ZNF8: variants seen among roughly 807,000 people sequenced by gnomAD.
ZNF8 encodes zinc finger protein 272.
A neutral mutation model predicts 12.2 loss-of-function variants in ZNF8; 9 were observed. That is an observed-to-expected ratio of 0.73 (90% CI 0.44 to 1.28). The LOEUF (loss-of-function observed/expected upper bound fraction) is 1.28, where lower values mean the gene tolerates loss of function less well. Ranked by LOEUF, ZNF8 falls within the 50% of genes most tolerant of loss-of-function variation. The probability of loss-of-function intolerance (pLI) is 0.00; values close to 1 mark genes in which losing one functional copy is unlikely to be tolerated. For synonymous variants in ZNF8, 274 were observed against 282.3 expected (o/e 0.97, Z 0.30); for missense variants, 664 against 729.1 (o/e 0.91, Z 1.03).
At position 58,299,367 on chromosome 19, in the gene ZNF8, C is replaced by T. The variant is rs910745880; in HGVS notation, c.*3831C>T. On this transcript the variant is annotated 3_prime_UTR_variant, in exon 4 of 4. Coordinates refer to ENST00000621650, the MANE Select transcript of ZNF8 (RefSeq NM_021089.3). ...GACCTCGTGATCCACCTGCCTCGGCCTCCCAAAGTGCTGGGGTTACAGGAG... is the reference window on the plus strand; with the variant it reads ...GACCTCGTGATCCACCTGCCTCGGCTTCCCAAAGTGCTGGGGTTACAGGAG... The T allele has an allele frequency of 1.3e-5, 2 of 151,066 alleles. No individual in the cohort carries two copies. Among genetic ancestry groups the T allele is most frequent in the African/African-American group, 4.8e-5 (2 of 41,266 alleles). The allele number at this position is 151,066 out of a possible 1,614,324, so 9.4% of individuals were successfully genotyped here. A position where few individuals can be genotyped will look rare whatever the true frequency, so the allele number is the denominator to read the frequency against.
chr19:58,279,709 C>G, intron 1 of ZNF8: 1 of 1,526,234 alleles, frequency 6.6e-7, no homozygotes, highest in Non-Finnish European at 8.8e-7. Flanking sequence ...CCCTGCGAGA[C>G]TGTGGGAGAA....
rs778371446 is a variant in ZNF8, at chr19:58,294,205, T to C, written c.397T>C (p.Tyr133His). The C allele has an allele frequency of 4.3e-6, 7 of 1,614,154 alleles. No homozygotes were observed. Among genetic ancestry groups the C allele is most frequent in the Non-Finnish European group, 5.1e-6 (6 of 1,180,038 alleles). ...GGAAGGATTCCCGACAGATGCTCCTTATCCCACCACGTTAGGGAAAGACAG... is the reference window on the plus strand; with the variant it reads ...GGAAGGATTCCCGACAGATGCTCCTCATCCCACCACGTTAGGGAAAGACAG... ...GREGFPTDAP[Y>H]PTTLGKDREC... The change falls in exon 4 of 4, where the codon TAT becomes CAT. Residue 133 changes from tyrosine (Y) to histidine (H), a missense_variant. Around this residue, in one of 3 missense-constraint regions of ZNF8, gnomAD observed 306 missense variants for 308.7 expected, o/e 0.99. Coordinates refer to ENST00000621650, the MANE Select transcript of ZNF8 (RefSeq NM_021089.3). This position sits in a 1 kb window ranked among gnomAD's most constrained non-coding sequence, Gnocchi z 5.5.
At chr19:58,279,958 AAT>A in intron 1 of ZNF8, 1 of 950,464 alleles carries the variant, frequency 1.1e-6, no homozygotes, top group East Asian at 6.2e-5. Flanking sequence ...GAGACTTGAT[AAT>A]CTTAGGTTGC....
Position 58,302,012 on chromosome 19 carries a change from T to C in ZNF8, c.*6476T>C, listed in dbSNP as rs1000456361. 13 of 152,312 alleles carry C rather than the reference T, an allele frequency of 8.5e-5. No homozygotes were observed. Among genetic ancestry groups the C allele is most frequent in the South Asian group, 6.2e-4 (3 of 4,826 alleles). The allele number at this position is 152,312 out of a possible 1,614,324, so 9.4% of individuals were successfully genotyped here. A position where few individuals can be genotyped will look rare whatever the true frequency, so the allele number is the denominator to read the frequency against. Reference sequence around the variant, plus strand: ...GTCATTTATGGTGGAATGGTGATCATAAAAATTCATTAAAAATGAAGACTC... The same window carrying C: ...GTCATTTATGGTGGAATGGTGATCACAAAAATTCATTAAAAATGAAGACTC... On this transcript the variant is annotated 3_prime_UTR_variant, in exon 4 of 4. Transcript: ENST00000621650.
At chr19:58,290,221 C>T (rs2051410164) in intron 3 of ZNF8, among the ~76,000 whole-genome samples, 2 of 141,166 alleles carry the variant, frequency 1.4e-5, no homozygotes, top group Admixed American at 8.0e-5. Flanking sequence ...TCACGCCATT[C>T]TGCCTTAGCC....
In ZNF8 at chr19:58,286,133, G is replaced by A. The variant is rs2036596160; in HGVS notation, c.217G>A (p.Val73Ile). The A allele has an allele frequency of 2.5e-6, 4 of 1,614,126 alleles. No homozygotes were observed. The highest frequency in any genetic ancestry group is 1.1e-5 in the South Asian group (1 of 91,068). ...AGGTCCTGAGCTTCCGAAGCCTGAA[G>A]TCATCTCCCAGCTGGAGCAAGGGAC... is the stretch of plus-strand genomic sequence containing the variant. ...SIGPELPKPE[V>I]ISQLEQGTEL... is the part of the protein sequence containing the mutation. The change falls in exon 3 of 4, where the codon GTC (valine) becomes ATC (isoleucine). Residue 73 changes from valine to isoleucine, a missense_variant. Around this residue, in one of 3 missense-constraint regions of ZNF8, gnomAD observed 306 missense variants for 308.7 expected, o/e 0.99. Transcript: ENST00000621650.
At chr19:58,279,590 G>A in intron 1 of ZNF8, 1 of 1,533,054 alleles carries the variant, frequency 6.5e-7, no homozygotes, top group Non-Finnish European at 8.7e-7. Flanking sequence ...GACACCCACC[G>A]GGACCCCAGC....
intron 1 of ZNF8, among the ~76,000 whole-genome samples, chr19:58,281,097 A>G (rs2051348320): frequency 6.6e-6 from 1 of 152,204 alleles, no homozygotes; most frequent in Admixed American, 6.5e-5. Context: ...GCCATTATAT[A>G]TCTCAGTCTA....
At position 58,295,527 on chromosome 19, in the gene ZNF8, A is replaced by G. The variant is rs1217724920; in HGVS notation, c.1719A>G (p.Glu573=). 1 of 1,600,612 alleles carries G rather than the reference A, an allele frequency of 6.2e-7. No homozygotes were observed. The highest frequency in any genetic ancestry group is 1.3e-5 in the African/African-American group (1 of 74,216). Residue 573 remains glutamate, a synonymous_variant, in exon 4 of 4, where the codon GAA becomes GAG. Transcript: ENST00000621650. The part of the protein sequence containing the change: ...VGASMLFDIR[E]ST Reference sequence around the variant, plus strand: ...CTTCCATGTTATTTGACATCAGAGAATCCACATAGGAGAGAAACTTTGCTG... The same window carrying G: ...CTTCCATGTTATTTGACATCAGAGAGTCCACATAGGAGAGAAACTTTGCTG...
rs2051487132 is a variant in ZNF8 at position 58,300,753 on chromosome 19, C to T, written c.*5217C>T. On this transcript the variant is annotated 3_prime_UTR_variant, in exon 4 of 4. Coordinates refer to ENST00000621650, the MANE Select transcript of ZNF8 (RefSeq NM_021089.3). ...AGCTCTTGGGAGAATCGCTTGTGCT[C>T]CCTATTCCCTTGGTGGCAGCTCACA... 1 of 152,314 alleles carries T rather than the reference C, an allele frequency of 6.6e-6. No homozygotes were observed. Among genetic ancestry groups the T allele is most frequent in the Non-Finnish European group, 1.5e-5 (1 of 68,188 alleles). 9.4% of individuals were successfully genotyped at this position (152,314 alleles called of 1,614,324 possible). A position where few individuals can be genotyped will look rare whatever the true frequency, so the allele number is the denominator to read the frequency against.
At position 58,294,728 on chromosome 19, in the gene ZNF8, A is replaced by G. The variant is rs1392997991; in HGVS notation, c.920A>G (p.His307Arg). 1 of 1,614,048 alleles carries G rather than the reference A, an allele frequency of 6.2e-7. No individual in the cohort carries two copies. Among genetic ancestry groups the G allele is most frequent in the Non-Finnish European group, 8.5e-7 (1 of 1,180,030 alleles). Residue 307 changes from histidine to arginine, a missense_variant, in exon 4 of 4, where the codon CAC (histidine) becomes CGC (arginine). Transcript: ENST00000621650. The surrounding 1 kb of genome is among the most constrained non-coding windows in gnomAD (Gnocchi z 5.5). The part of the protein sequence containing the change: ...NSSLVQHERI[H>R]TGDKPYKCAE... ...TCCCTCGTCCAGCATGAGCGCATCC[A>G]CACTGGAGACAAGCCCTACAAGTGT...
In ZNF8 at chr19:58,299,933, C is replaced by T. The variant is rs1468457083; in HGVS notation, c.*4397C>T. 2 of 152,150 alleles carry T rather than the reference C, an allele frequency of 1.3e-5. No individual in the cohort carries two copies. Among genetic ancestry groups the T allele is most frequent in the African/African-American group, 4.8e-5 (2 of 41,420 alleles). 9.4% of individuals were successfully genotyped at this position (152,150 alleles called of 1,614,324 possible). A position where few individuals can be genotyped will look rare whatever the true frequency, so the allele number is the denominator to read the frequency against. ...CAGGACCCTGTGGATGGCCCAAGTTCGTTTCTCTGCACTTACCTCTTCGGG... is the reference window on the plus strand; with the variant it reads ...CAGGACCCTGTGGATGGCCCAAGTTTGTTTCTCTGCACTTACCTCTTCGGG... On this transcript the variant is annotated 3_prime_UTR_variant, in exon 4 of 4. Coordinates refer to ENST00000621650, the MANE Select transcript of ZNF8 (RefSeq NM_021089.3).
In ZNF8 at chr19:58,301,242, A is replaced by G. The variant is rs1010881392; in HGVS notation, c.*5706A>G. Reference sequence around the variant, plus strand: ...TTCCTGGAGGCTGTTTCCACTTGCCATCCCATCATGGAAGCCAGAAAACCA... The same window carrying G: ...TTCCTGGAGGCTGTTTCCACTTGCCGTCCCATCATGGAAGCCAGAAAACCA... On this transcript the variant is annotated 3_prime_UTR_variant, in exon 4 of 4. Coordinates refer to ENST00000621650, the MANE Select transcript of ZNF8 (RefSeq NM_021089.3). 6 of 152,132 alleles carry G rather than the reference A, an allele frequency of 3.9e-5. No individual in the cohort carries two copies. The highest frequency in any genetic ancestry group is 1.3e-4 in the Admixed American group (2 of 15,274). 9.4% of individuals were successfully genotyped at this position (152,132 alleles called of 1,614,324 possible).
At chr19:58,290,321 G>C (rs550471) in intron 3 of ZNF8, among the ~76,000 whole-genome samples, 17 of 148,766 alleles carry the variant, frequency 1.1e-4, no homozygotes, top group African/African-American at 4.0e-4. Flanking sequence ...TCACCGTGTT[G>C]GCCAGGATGG....
intron 1 of ZNF8, among the ~76,000 whole-genome samples, chr19:58,283,092 A>G (rs1329818551): frequency 7.0e-6 from 1 of 143,038 alleles, no homozygotes; most frequent in East Asian, 2.1e-4. Context: ...CTCCTCCTAC[A>G]TCAGCCTCCC....
In ZNF8 at chr19:58,295,795, G is replaced by A; in HGVS notation, c.*259G>A. 1 of 405,230 alleles carries A rather than the reference G, an allele frequency of 2.5e-6. No homozygotes were observed. The allele number at this position is 405,230 out of a possible 1,614,324, so 25.1% of individuals were successfully genotyped here. Reference sequence around the variant, plus strand: ...CAGGTAATATAACCTACCCACCTGTGTAATGTCAAAAAAAATCAATATGCG... The same window carrying A: ...CAGGTAATATAACCTACCCACCTGTATAATGTCAAAAAAAATCAATATGCG... On this transcript the variant is annotated 3_prime_UTR_variant, in exon 4 of 4. Coordinates refer to ENST00000621650, the MANE Select transcript of ZNF8 (RefSeq NM_021089.3).
At chr19:58,285,661 C>T in intron 1 of ZNF8, 56 bp from the exon 2 acceptor site, 1 of 1,613,462 alleles carries the variant, frequency 6.2e-7, no homozygotes, top group Non-Finnish European at 8.5e-7. Flanking sequence ...TCTTCCTCTG[C>T]CAGAAAGCAC....
intron 1 of ZNF8, chr19:58,280,250 T>A: frequency 4.7e-6 from 1 of 213,424 alleles, no homozygotes; most frequent in Non-Finnish European, 9.6e-6. Context: ...ACCTGAGACC[T>A]GAGTCTGGAG....
At chr19:58,285,998 C>G (rs2051380783) in intron 2 of ZNF8, 112 bp from the exon 3 acceptor site, 1 of 1,413,844 alleles carries the variant, frequency 7.1e-7, no homozygotes, top group South Asian at 1.3e-5. Flanking sequence ...AGAGCTTCAC[C>G]ATGTTGTGAG....
Sources: gnomAD v4.1 joint callset for allele counts (sites outside exome capture counted in the v4.1 genomes callset) on GRCh38, gnomAD v4.1.1 for gene constraint, gnomAD v4.1.1 regional missense constraint, Gnocchi (gnomAD v3.1) non-coding constraint, MANE v1.5 for transcripts, NCBI Gene and HGNC (gene_info 2026-07-23, HGNC 2026-07-21) for gene names.